AKAP9: variants seen among roughly 807,000 people sequenced by gnomAD.
AKAP9 encodes the protein A-kinase anchor protein 9.
AKAP9 carries 311 observed loss-of-function variants against 488.5 expected under a neutral mutation model. The ratio of observed to expected loss-of-function variants is 0.64; its 90% CI spans 0.58 to 0.70. AKAP9 has a LOEUF of 0.70. AKAP9 is among the 30% of genes least tolerant of loss of function. The probability of loss-of-function intolerance (pLI) is 0.00; values close to 1 mark genes in which losing one functional copy is unlikely to be tolerated. For synonymous variants in AKAP9, 1,462 were observed against 1,483.5 expected (o/e 0.99, Z 0.33); for missense variants, 4,215 against 4,374.5 (o/e 0.96, Z 1.03).
rs775066718 is a variant in AKAP9, at chr7:92,022,938, A to C, written c.4077A>C (p.Gln1359His). The C allele has an allele frequency of 6.2e-7, 1 of 1,614,080 alleles. No homozygotes were observed. The highest frequency in any genetic ancestry group is 1.1e-5 in the South Asian group (1 of 91,082). ...SLQQQLKETE[Q>H]NYEAEIHCLQ... ...AGCAACAGTTGAAAGAAACTGAACA[A>C]AACTATGAGGCAGAGATCCACTGTT... Residue 1359 changes from glutamine to histidine, a missense_variant, in exon 14 of 50, where the codon CAA (glutamine) becomes CAC (histidine). Gln to His is a conservative substitution (Grantham distance 24). Coordinates refer to ENST00000356239, the MANE Select transcript of AKAP9 (RefSeq NM_005751.5).
rs146727807 is a variant in AKAP9 at position 91,959,644 on chromosome 7, A to G, written c.49-14067A>G. Among the ~76,000 whole-genome samples, 32 of 152,306 alleles carry G rather than the reference A, an allele frequency of 2.1e-4. No homozygotes were observed. The East Asian group carries it at 5.6e-3, about 27-fold the overall frequency. On this transcript the variant is annotated intron_variant, in intron 1 of 49. Transcript: ENST00000356239. ...ATGTGGCAGGCAGTGAAATTGTGTT[A>G]AAATATGTAACATTAAGATGGTTCC...
rs1414013018 is a variant in AKAP9 at position 91,992,927 on chromosome 7, G to A, written c.448G>A (p.Ala150Thr). 3.1e-6 allele frequency: 5 copies of A among 1,614,008 alleles called. No homozygotes were observed. In the East Asian group the frequency reaches 8.9e-5, roughly 29 times the overall value. ...GVDDSYSEQG[A>T]QDSPTHLEMM... ...TGATGATTCTTATTCTGAACAAGGA[G>A]CACAAGACAGTCCGACTCATCTAGA... Residue 150 changes from alanine to threonine, a missense_variant, in exon 5 of 50, where the codon GCA becomes ACA. Around this residue, in one of 5 missense-constraint regions of AKAP9, gnomAD observed 2,361 missense variants for 2,430.0 expected, o/e 0.97. Coordinates refer to ENST00000356239, the MANE Select transcript of AKAP9 (RefSeq NM_005751.5).
At chr7:92,089,956 C>T (rs772736575) in intron 38 of AKAP9, 97 of 168,668 alleles carry the variant, frequency 5.8e-4, no homozygotes, top group Non-Finnish European at 1.1e-3. Flanking sequence ...TGCAGTATGA[C>T]GCATTTTTAA....
chr7:92,037,256 C>G (rs1222139351), intron 16 of AKAP9, among the ~76,000 whole-genome samples: 2 of 152,138 alleles, frequency 1.3e-5, no homozygotes, highest in Non-Finnish European at 2.9e-5. Context: ...GGATTTTGAA[C>G]CCCAGCTTCA....
rs1799250905 is a variant in AKAP9 at position 92,002,131 on chromosome 7, G to A, written c.2214G>A (p.Lys738=). Residue 738 remains lysine (K), a synonymous_variant, in exon 8 of 50, where the codon AAG becomes AAA. Transcript: ENST00000356239. ...IEILRQEEKE[K]GTLEQEVQEL... is the part of the protein sequence containing the mutation. Reference sequence around the variant, plus strand: ...TACTCAGACAAGAAGAAAAAGAAAAGGGTACACTTGAACAAGAAGTTCAAG... The same window carrying A: ...TACTCAGACAAGAAGAAAAAGAAAAAGGTACACTTGAACAAGAAGTTCAAG... 6.3e-7 allele frequency: 1 copy of A among 1,593,630 alleles called. No homozygotes were observed. The highest frequency in any genetic ancestry group is 1.4e-5 in the African/African-American group (1 of 73,484).
chr7:92,002,187 A>G lies in AKAP9; in HGVS notation c.2270A>G (p.Lys757Arg). Residue 757 changes from lysine to arginine, a missense_variant, in exon 8 of 50, where the codon AAA (lysine) becomes AGA (arginine). By Grantham distance (26) the Lys-to-Arg change is conservative. Transcript: ENST00000356239. ...CAACTTAAAACAGAATTGTTAGAAA[A>G]ACAGATGAAGGAAAAAGAGAATGAT... is the stretch of plus-strand genomic sequence containing the variant. The part of the protein sequence containing the change: ...ELQLKTELLE[K>R]QMKEKENDLQ... 2 of 1,593,830 alleles carry G rather than the reference A, an allele frequency of 1.3e-6. No homozygotes were observed. The highest frequency in any genetic ancestry group is 1.7e-6 in the Non-Finnish European group (2 of 1,174,698).
chr7:91,944,496 C>G (rs756776645), intron 1 of AKAP9, among the ~76,000 whole-genome samples: 36 of 151,868 alleles, frequency 2.4e-4, no homozygotes, highest in Non-Finnish European at 4.6e-4. Flanking sequence ...AAGCGATTCT[C>G]CTGCCTCAGC....
intron 3 of AKAP9, among the ~76,000 whole-genome samples, chr7:91,991,579 C>T (rs1264593326): frequency 2.0e-5 from 3 of 151,498 alleles, no homozygotes; most frequent in Non-Finnish European, 2.9e-5. Context: ...TCACGCCATT[C>T]TCCTGCCTCA....
Position 92,084,912 on chromosome 7 carries a change from C to T in AKAP9, c.8804C>T (p.Ala2935Val). ...GGCCGAGGAGAAGAAAGTGAAAGTG[C>T]AACAGATTCCTTTCCAAAGAAAATA... ...SEGRGEESES[A>V]TDSFPKKIKG... The change falls in exon 35 of 50, where the codon GCA becomes GTA. Residue 2935 changes from alanine (A) to valine (V), a missense_variant. Transcript: ENST00000356239. 1.2e-6 allele frequency: 2 copies of T among 1,613,180 alleles called. No individual in the cohort carries two copies. The highest frequency in any genetic ancestry group is 1.7e-6 in the Non-Finnish European group (2 of 1,179,552).
rs1813997818 is a variant in AKAP9, at chr7:92,083,673, T to C, written c.8646+18T>C. ...GTAAAGAGGTATTTGGTTTTTATAATATGTGTTTTTCAACATTGTGTGGTT... is the reference window on the plus strand; with the variant it reads ...GTAAAGAGGTATTTGGTTTTTATAACATGTGTTTTTCAACATTGTGTGGTT... On this transcript the variant is annotated intron_variant, in intron 33 of 49. Coordinates refer to ENST00000356239, the MANE Select transcript of AKAP9 (RefSeq NM_005751.5). 2 of 1,608,008 alleles carry C rather than the reference T, an allele frequency of 1.2e-6. No homozygotes were observed. Among genetic ancestry groups the C allele is most frequent in the South Asian group, 2.2e-5 (2 of 89,730 alleles).
chr7:91,979,608 T>A (rs1173564959), intron 2 of AKAP9, among the ~76,000 whole-genome samples: 1 of 152,212 alleles, frequency 6.6e-6, no homozygotes, highest in Non-Finnish European at 1.5e-5. Context: ...ACTCATATAC[T>A]TATGATAAAG....
intron 26 of AKAP9, among the ~76,000 whole-genome samples, 166 bp downstream of exon 26, chr7:92,066,712 A>G (rs1810827098): frequency 6.6e-6 from 1 of 152,220 alleles, no homozygotes; most frequent in South Asian, 2.1e-4. Context: ...AACCCTGAAA[A>G]TTGTTGGTAT....
intron 22 of AKAP9, among the ~76,000 whole-genome samples, chr7:92,054,915 CT>C (rs1247202244): frequency 6.6e-6 from 1 of 151,954 alleles, no homozygotes; most frequent in East Asian, 1.9e-4. Flanking sequence ...TCAGTAGTCT[CT>C]TTGTGGTTCT....
In AKAP9 at chr7:92,093,132, C is replaced by G; in HGVS notation, c.9394C>G (p.Gln3132Glu). The G allele has an allele frequency of 1.2e-6, 2 of 1,614,114 alleles. No homozygotes were observed. The highest frequency in any genetic ancestry group is 1.7e-6 in the Non-Finnish European group (2 of 1,179,996). Residue 3132 changes from glutamine (Q) to glutamate (E), a missense_variant, in exon 39 of 50, where the codon CAA (glutamine) becomes GAA (glutamate). Around this residue, in one of 5 missense-constraint regions of AKAP9, gnomAD observed 1,476 missense variants for 1,477.4 expected, o/e 1.00. Transcript: ENST00000356239. Reference sequence around the variant, plus strand: ...ATATAATATACAGCAGAAGCAGTCTCAAATGCTGGAGATGCAAGTGGAGCT... The same window carrying G: ...ATATAATATACAGCAGAAGCAGTCTGAAATGCTGGAGATGCAAGTGGAGCT... Reference protein sequence around the residue: ...LEYNIQQKQSQMLEMQVELSS... With the variant: ...LEYNIQQKQSEMLEMQVELSS...
intron 24 of AKAP9, among the ~76,000 whole-genome samples, chr7:92,064,453 A>G (rs1460291550): frequency 1.3e-5 from 2 of 152,196 alleles, no homozygotes; most frequent in Non-Finnish European, 2.9e-5. Flanking sequence ...ACTCTTCTTT[A>G]CATGTATTAA....
In AKAP9 at chr7:92,079,264, C is replaced by T. The variant is rs772296471; in HGVS notation, c.7131C>T (p.Leu2377=). The T allele has an allele frequency of 1.3e-5, 21 of 1,613,924 alleles. No individual in the cohort carries two copies. In the Admixed American group the frequency reaches 3.5e-4, roughly 27 times the overall value. ...GQKTSMNAHS[L]SEEADSLKHQ... is the part of the protein sequence containing the mutation. ...AGACATCAATGAATGCTCATTCCCT[C>T]TCAGAAGAAGCAGACAGTTTAAAAC... Residue 2377 remains leucine, a synonymous_variant, in exon 31 of 50, where the codon CTC becomes CTT. Coordinates refer to ENST00000356239, the MANE Select transcript of AKAP9 (RefSeq NM_005751.5).
intron 2 of AKAP9, 89 bp downstream of exon 2, chr7:91,974,057 C>G (rs1206947295): frequency 6.7e-7 from 1 of 1,501,884 alleles, no homozygotes; most frequent in African/African-American, 1.4e-5. Flanking sequence ...GCAATTTGAT[C>G]ATGATTTTTA....
At chr7:91,948,389 C>T (rs2130455093) in intron 1 of AKAP9, among the ~76,000 whole-genome samples, 1 of 152,162 alleles carries the variant, frequency 6.6e-6, no homozygotes, top group African/African-American at 2.4e-5. Flanking sequence ...TTTACCTTCC[C>T]ATCAGCAATG....
At chr7:92,023,630 T>G (rs1802645171) in intron 14 of AKAP9, among the ~76,000 whole-genome samples, 1 of 151,908 alleles carries the variant, frequency 6.6e-6, no homozygotes, top group South Asian at 2.1e-4. Context: ...TTACCCTAAC[T>G]CCCCCCTAAA....
Sources: gnomAD v4.1 joint callset for allele counts (sites outside exome capture counted in the v4.1 genomes callset) on GRCh38, gnomAD v4.1.1 for gene constraint, gnomAD v4.1.1 regional missense constraint, MANE v1.5 for transcripts, NCBI Gene and HGNC (gene_info 2026-07-23, HGNC 2026-07-21) for gene names.